The following LAMA4 variants were observed in gnomAD, a reference collection of about 807,000 sequenced individuals.
LAMA4 encodes the protein laminin subunit alpha-4.
Under a neutral mutation model 207.1 loss-of-function variants are expected in LAMA4, and 127 were observed. The ratio of observed to expected loss-of-function variants is 0.61; its 90% CI spans 0.53 to 0.71. The LOEUF (loss-of-function observed/expected upper bound fraction) is 0.71, where lower values mean the gene tolerates loss of function less well. Ranked by LOEUF, LAMA4 falls within the 30% of genes least tolerant of loss-of-function variation. LAMA4 has a pLI of 0.00. For synonymous variants in LAMA4, 761 were observed against 816.0 expected (o/e 0.93, Z 1.15); for missense variants, 2,093 against 2,246.5 (o/e 0.93, Z 1.38).
chr6:112,134,932 A>G (rs1779250408), intron 25 of LAMA4, among the ~76,000 whole-genome samples: 1 of 151,482 alleles, frequency 6.6e-6, no homozygotes, highest in African/African-American at 2.4e-5. Flanking sequence ...AGGTGCCACC[A>G]TTCTCTTTTT....
chr6:112,121,191 C>T (rs1425740522), intron 32 of LAMA4, among the ~76,000 whole-genome samples: 2 of 152,050 alleles, frequency 1.3e-5, no homozygotes, highest in East Asian at 3.8e-4. Context: ...ATCTAAAACA[C>T]AGACTAAAAT....
At chr6:112,204,074 C>T (rs1783914694) in intron 4 of LAMA4, among the ~76,000 whole-genome samples, 1 of 152,168 alleles carries the variant, frequency 6.6e-6, no homozygotes, top group Admixed American at 6.5e-5. Context: ...ACGCTTCTTG[C>T]TCAACTAACA....
intron 27 of LAMA4, 134 bp from the exon 28 acceptor site, chr6:112,133,024 T>C (rs1779131998): frequency 1.0e-6 from 1 of 985,898 alleles, no homozygotes; most frequent in Admixed American, 1.9e-5. Flanking sequence ...CTGGTCTATG[T>C]TGGAATTCAG....
chr6:112,126,501 A>G (rs1308112597), intron 31 of LAMA4, among the ~76,000 whole-genome samples: 2 of 152,224 alleles, frequency 1.3e-5, no homozygotes, highest in Non-Finnish European at 2.9e-5. Flanking sequence ...AGAAACTACT[A>G]AGTTTTAATT....
At position 112,154,748 on chromosome 6, in the gene LAMA4, A is replaced by G. The variant is rs1780602736; in HGVS notation, c.2056+103T>C. The G allele has an allele frequency of 5.0e-6, 4 of 797,830 alleles. No individual in the cohort carries two copies. In the Admixed American group the frequency reaches 7.0e-5, roughly 14 times the overall value. 49.4% of individuals were successfully genotyped at this position (797,830 alleles called of 1,614,324 possible). A position where few individuals can be genotyped will look rare whatever the true frequency, so the allele number is the denominator to read the frequency against. On this transcript the variant is annotated intron_variant, in intron 16 of 38. Coordinates refer to ENST00000230538, the MANE Select transcript of LAMA4 (RefSeq NM_001105206.3). Reference sequence around the variant, plus strand: ...AACTACTGATATGTTATGTAGTTATAATACTATTCTTTAATCCTAGATTTG... The same window carrying G: ...AACTACTGATATGTTATGTAGTTATGATACTATTCTTTAATCCTAGATTTG...
chr6:112,185,887 G>A (rs1382670632), intron 8 of LAMA4, among the ~76,000 whole-genome samples: 1 of 152,116 alleles, frequency 6.6e-6, no homozygotes, highest in African/African-American at 2.4e-5. Context: ...CTGACTTCCT[G>A]TCTGCCATAA....
chr6:112,163,444 G>A (rs1554338985), intron 13 of LAMA4, among the ~76,000 whole-genome samples: 1 of 152,216 alleles, frequency 6.6e-6, no homozygotes, highest in Non-Finnish European at 1.5e-5. Context: ...GGCTAGCAAA[G>A]GGGGCTGGGA....
At position 112,109,598 on chromosome 6, in the gene LAMA4, A is replaced by C; in HGVS notation, c.5327-16T>G. 6.2e-7 allele frequency: 1 copy of C among 1,613,994 alleles called. No homozygotes were observed. Among genetic ancestry groups the C allele is most frequent in the Non-Finnish European group, 8.5e-7 (1 of 1,179,904 alleles). On this transcript the variant is annotated splice_polypyrimidine_tract_variant and intron_variant, in intron 38 of 38. Coordinates refer to ENST00000230538, the MANE Select transcript of LAMA4 (RefSeq NM_001105206.3). ...AGTAGAGATTCTGAAAAGAGCAAGA[A>C]ATAAAAACAAAGATTGCAATTGAGG... is the stretch of plus-strand genomic sequence containing the variant.
intron 13 of LAMA4, among the ~76,000 whole-genome samples, chr6:112,161,224 C>T (rs2114809016): frequency 6.6e-6 from 1 of 152,276 alleles, no homozygotes; most frequent in South Asian, 2.1e-4. Flanking sequence ...TTAAGTGTTG[C>T]CATGTGTTTT....
At chr6:112,241,461 C>T (rs1786511796) in intron 2 of LAMA4, among the ~76,000 whole-genome samples, 1 of 151,846 alleles carries the variant, frequency 6.6e-6, no homozygotes, top group Admixed American at 6.6e-5. Flanking sequence ...TGCTAAGGCA[C>T]TCTGAGACTT....
intron 12 of LAMA4, among the ~76,000 whole-genome samples, chr6:112,171,188 G>T (rs1417872659): frequency 6.6e-6 from 1 of 150,962 alleles, no homozygotes; most frequent in Non-Finnish European, 1.5e-5. Flanking sequence ...CTATTCCCTT[G>T]ATTTCATTTC....
Position 112,150,528 on chromosome 6 carries a change from A to G in LAMA4, c.2156T>C (p.Leu719Pro). The G allele has an allele frequency of 6.2e-7, 1 of 1,609,138 alleles. No individual in the cohort carries two copies. The highest frequency in any genetic ancestry group is 8.5e-7 in the Non-Finnish European group (1 of 1,175,448). ...KTRLSDAVKQ[L>P]QAAERGDAQQ... is the part of the protein sequence containing the mutation. ...ATGCTTACCTCTCTCTGCTGCTTGTAGTTGCTTAACGGCATCACTGAGTCT... is the reference window on the plus strand; with the variant it reads ...ATGCTTACCTCTCTCTGCTGCTTGTGGTTGCTTAACGGCATCACTGAGTCT... Residue 719 changes from leucine (L) to proline (P), a missense_variant, in exon 17 of 39, where the codon CTA becomes CCA. Around this residue, in one of 3 missense-constraint regions of LAMA4, gnomAD observed 1,704 missense variants for 1,788.4 expected, o/e 0.95. Coordinates refer to ENST00000230538, the MANE Select transcript of LAMA4 (RefSeq NM_001105206.3).
chr6:112,175,347 C>G lies in LAMA4; in HGVS notation c.1323G>C (p.Glu441Asp). Residue 441 changes from glutamate (E) to aspartate (D), a missense_variant, in exon 11 of 39, where the codon GAG becomes GAC. Physicochemically the swap from Glu to Asp is conservative, Grantham distance 45. This residue lies in a region of LAMA4 where 1,704 missense variants were observed against 1,788.4 expected (regional missense o/e 0.95). Transcript: ENST00000230538. ...RSRQPFFTQR[E>D]LVDEEADEAY... ...CCTCATCTGCCTCCTCATCCACGAG[C>G]TCCCGTTGGGTGAAAAATGGTTGAC... 6.2e-7 allele frequency: 1 copy of G among 1,614,190 alleles called. No homozygotes were observed. The highest frequency in any genetic ancestry group is 2.2e-5 in the East Asian group (1 of 44,884).
chr6:112,139,128 C>A lies in LAMA4; in HGVS notation c.3274G>T (p.Val1092Phe). 2 of 1,613,948 alleles carry A rather than the reference C, an allele frequency of 1.2e-6. No individual in the cohort carries two copies. The highest frequency in any genetic ancestry group is 8.5e-7 in the Non-Finnish European group (1 of 1,179,846). The change falls in exon 24 of 39, where the codon GTC (valine) becomes TTC (phenylalanine). Residue 1092 changes from valine to phenylalanine, a missense_variant. Val to Phe is a conservative substitution (Grantham distance 50). Around this residue, in one of 3 missense-constraint regions of LAMA4, gnomAD observed 1,704 missense variants for 1,788.4 expected, o/e 0.95. Transcript: ENST00000230538. The stretch of plus-strand genomic sequence containing the variant: ...CTTGTATTTTTACTCACTCCATTGA[C>A]CATCAGGAGAATAAGGCCGTTGTCA... ...PADNGLILLMVNGSMFFRLEM... is the reference protein window; with the variant it reads ...PADNGLILLMFNGSMFFRLEM...
chr6:112,149,787 G>C (rs956353061), intron 17 of LAMA4, among the ~76,000 whole-genome samples: 8 of 152,166 alleles, frequency 5.3e-5, no homozygotes, highest in African/African-American at 1.9e-4. Flanking sequence ...TGATGATGAG[G>C]CTTCTCCATG....
intron 2 of LAMA4, among the ~76,000 whole-genome samples, chr6:112,241,148 T>TATATATGAATATATATATGAATATATAG (rs1164239871): frequency 2.0e-5 from 2 of 99,630 alleles, no homozygotes; most frequent in East Asian, 4.4e-4. Flanking sequence ...AATATATATA[T>TATATATGAATATATATATGAATATATAG]GAATATATAT....
At chr6:112,243,740 C>T (rs950310077) in intron 2 of LAMA4, among the ~76,000 whole-genome samples, 1 of 152,042 alleles carries the variant, frequency 6.6e-6, no homozygotes, top group Non-Finnish European at 1.5e-5. Context: ...TCTAGATATG[C>T]TCAGGTAATA....
chr6:112,162,068 C>A (rs904085941), intron 13 of LAMA4: 1 of 152,176 alleles, frequency 6.6e-6, no homozygotes, highest in Admixed American at 6.5e-5. Context: ...TCTTGAAGGA[C>A]AAGAGTGGAG....
rs1554325164 is a variant in LAMA4 at position 112,119,161 on chromosome 6, C to T, written c.4816G>A (p.Val1606Ile). 4 of 1,613,734 alleles carry T rather than the reference C, an allele frequency of 2.5e-6. No individual in the cohort carries two copies. The highest frequency in any genetic ancestry group is 3.3e-5 in the Admixed American group (2 of 59,968). ...GVAPGKAVKN[V>I]QINSIYSFSG... is the part of the protein sequence containing the mutation. ...CCTGGTCATGCCTGGCTTACCTGAA[C>T]ATTTTTCACAGCCTTTCCAGGAGCC... Residue 1606 changes from valine (V) to isoleucine (I), a missense_variant, in exon 34 of 39, where the codon GTT becomes ATT. By Grantham distance (29) the Val-to-Ile change is conservative. This residue lies in a region of LAMA4 where 383 missense variants were observed against 437.8 expected (regional missense o/e 0.87). Coordinates refer to ENST00000230538, the MANE Select transcript of LAMA4 (RefSeq NM_001105206.3).
Sources: gnomAD v4.1 joint callset for allele counts (sites outside exome capture counted in the v4.1 genomes callset) on GRCh38, gnomAD v4.1.1 for gene constraint, gnomAD v4.1.1 regional missense constraint, MANE v1.5 for transcripts, NCBI Gene and HGNC (gene_info 2026-07-23, HGNC 2026-07-21) for gene names.